PKD1L3: variants seen among roughly 807,000 people sequenced by gnomAD.
PKD1L3 encodes polycystin-1-like protein 3.
Under a neutral mutation model 184.1 loss-of-function variants are expected in PKD1L3, and 239 were observed. The observed-to-expected ratio is 1.30, with a 90% confidence interval of 1.17 to 1.45. PKD1L3 has a LOEUF of 1.45. PKD1L3 is among the 40% of genes most tolerant of loss of function. The pLI, the probability that PKD1L3 is intolerant of heterozygous loss-of-function variation, is 0.00. For synonymous variants in PKD1L3, 996 were observed against 778.8 expected (o/e 1.28, Z -4.64); for missense variants, 2,660 against 2,067.2 (o/e 1.29, Z -5.56).
intron 11 of PKD1L3, 96 bp downstream of exon 11, chr16:71,977,140 C>A: frequency 3.2e-6 from 3 of 927,012 alleles, no homozygotes; most frequent in Non-Finnish European, 5.0e-6. Flanking sequence ...CTGAGCCTGA[C>A]AGTTTGAGGC....
intron 16 of PKD1L3, among the ~76,000 whole-genome samples, chr16:71,956,184 ATTT>A (rs35268514): frequency 0.22 from 17,867 of 82,426 alleles, 1,195 homozygotes; most frequent in Middle Eastern, 0.29. Flanking sequence ...AAAGGAAGGA[ATTT>A]TTTTTTTTTT....
intron 6 of PKD1L3, among the ~76,000 whole-genome samples, chr16:71,983,687 G>GTTTTC (rs1360422609): frequency 4.6e-4 from 50 of 109,394 alleles, no homozygotes; most frequent in Admixed American, 7.8e-4. Context: ...TTTTTTTTTG[G>GTTTTC]AGACACAGTC....
At chr16:71,954,912 C>T (rs577625772) in intron 16 of PKD1L3, among the ~76,000 whole-genome samples, 1 of 152,188 alleles carries the variant, frequency 6.6e-6, no homozygotes, top group East Asian at 1.9e-4. Context: ...AAATGATTCA[C>T]TGGGTGCAGA....
chr16:71,954,553 G>C (rs1228143091), intron 16 of PKD1L3, among the ~76,000 whole-genome samples: 1 of 152,116 alleles, frequency 6.6e-6, no homozygotes, highest in African/African-American at 2.4e-5. Flanking sequence ...TATATGCTAT[G>C]CGAGTTTAAA....
chr16:71,957,561 GAGA>G (rs969419247), intron 16 of PKD1L3, among the ~76,000 whole-genome samples: 4 of 152,170 alleles, frequency 2.6e-5, no homozygotes, highest in African/African-American at 9.7e-5. Context: ...ACTTTGGGAG[GAGA>G]AGGTGGGAGG....
intron 16 of PKD1L3, among the ~76,000 whole-genome samples, chr16:71,959,095 A>AG (rs1392205941): frequency 6.6e-6 from 1 of 150,404 alleles, no homozygotes; most frequent in East Asian, 1.9e-4. Context: ...AAAAAAAAAA[A>AG]AAAAAAAAAG....
At chr16:71,966,581 C>G (rs147000194) in intron 15 of PKD1L3, among the ~76,000 whole-genome samples, 11 of 152,018 alleles carry the variant, frequency 7.2e-5, no homozygotes, top group Non-Finnish European at 1.3e-4. Flanking sequence ...TGCACACAAC[C>G]ATGCCTGGCG....
chr16:71,979,466 C>T (rs974408076), intron 9 of PKD1L3, among the ~76,000 whole-genome samples: 3 of 114,118 alleles, frequency 2.6e-5, no homozygotes, highest in African/African-American at 8.0e-5. Flanking sequence ...CAAAACAAAA[C>T]AAGACAAAAC....
At position 71,949,764 on chromosome 16, in the gene PKD1L3, C is replaced by CT. The variant is rs1391393260; in HGVS notation, c.3618+18dup. ...CCTAACTTCTGCAACTCCAATGGTT[C>CT]TTCCCATCCCTCACATACCTTTACT... On this transcript the variant is annotated intron_variant, in intron 21 of 29. Transcript: ENST00000620267. The CT allele has an allele frequency of 3.2e-6, 5 of 1,542,076 alleles. No individual in the cohort carries two copies. Among genetic ancestry groups the CT allele is most frequent in the Non-Finnish European group, 4.4e-6 (5 of 1,140,184 alleles).
At chr16:71,997,515 A>G (rs1341411903) in intron 2 of PKD1L3, among the ~76,000 whole-genome samples, 1 of 151,996 alleles carries the variant, frequency 6.6e-6, no homozygotes, top group Admixed American at 6.6e-5. Context: ...TTGGGAGGCC[A>G]AGGCAGGCGG....
intron 1 of PKD1L3, 89 bp downstream of exon 1, chr16:71,999,595 C>A: frequency 1.6e-6 from 2 of 1,262,138 alleles, no homozygotes; most frequent in Non-Finnish European, 2.1e-6. Context: ...TCTACAAAAG[C>A]AGAAAGATTA....
At chr16:71,956,257 G>C (rs12919947) in intron 16 of PKD1L3, among the ~76,000 whole-genome samples, 31,721 of 140,302 alleles carry the variant, frequency 0.23, 3,989 homozygotes, top group South Asian at 0.41. Flanking sequence ...GCAATGGCCT[G>C]ATCTTGGCTC....
At chr16:71,940,482 A>C (rs998527583) in intron 24 of PKD1L3, among the ~76,000 whole-genome samples, 4 of 152,126 alleles carry the variant, frequency 2.6e-5, no homozygotes, top group Non-Finnish European at 5.9e-5. Flanking sequence ...ATGCATGGGC[A>C]CAGAGCTTTG....
chr16:71,978,415 T>G (rs754915642), intron 9 of PKD1L3, 32 bp from the exon 10 acceptor site: 1 of 1,531,288 alleles, frequency 6.5e-7, no homozygotes, highest in Non-Finnish European at 8.8e-7. Context: ...GTTTTATCCA[T>G]TGCTGAAATA....
intron 24 of PKD1L3, among the ~76,000 whole-genome samples, chr16:71,940,421 A>G (rs1432152711): frequency 6.6e-6 from 1 of 152,168 alleles, no homozygotes; most frequent in Non-Finnish European, 1.5e-5. Flanking sequence ...TAGGGTCTCT[A>G]AAAACTGACT....
intron 6 of PKD1L3, among the ~76,000 whole-genome samples, 185 bp from the exon 7 acceptor site, chr16:71,982,420 G>C (rs1390884707): frequency 6.6e-6 from 1 of 151,634 alleles, no homozygotes; most frequent in Non-Finnish European, 1.5e-5. Flanking sequence ...TGAGTAGCTA[G>C]GACTACAGGC....
Position 71,972,173 on chromosome 16 carries a change from G to A in PKD1L3, c.1953+1151C>T, listed in dbSNP as rs1240273285. ...AGAGTTTGCAGTGAGCCAAGATCGC[G>A]CCACTGCACCCCAGCCTGGCCGATA... On this transcript the variant is annotated intron_variant, in intron 12 of 29. Coordinates refer to ENST00000620267, the MANE Select transcript of PKD1L3 (RefSeq NM_181536.2). 5.3e-5 allele frequency among the ~76,000 whole-genome samples: 8 copies of A among 151,930 alleles called. No individual in the cohort carries two copies. In the East Asian group the frequency reaches 7.7e-4, roughly 15 times the overall value.
intron 15 of PKD1L3, among the ~76,000 whole-genome samples, chr16:71,964,967 C>A (rs1447904378): frequency 6.6e-6 from 1 of 151,932 alleles, no homozygotes; most frequent in Non-Finnish European, 1.5e-5. Flanking sequence ...CCGCCTCAGC[C>A]CCCCAAGTAG....
chr16:71,939,370 C>T (rs758942129), intron 24 of PKD1L3, among the ~76,000 whole-genome samples: 18 of 152,304 alleles, frequency 1.2e-4, no homozygotes, highest in Admixed American at 9.1e-4. Context: ...TTCGGCAGAA[C>T]GAGCACAGTG....
Sources: allele counts gnomAD v4.1 joint callset (sites outside exome capture counted in the v4.1 genomes callset), GRCh38; gene constraint gnomAD v4.1.1; transcripts MANE v1.5; gene names NCBI Gene and HGNC (gene_info 2026-07-23, HGNC 2026-07-21).